Variants in NELL1 observed in about 807,000 individuals in gnomAD.
The protein encoded by NELL1 is protein kinase C-binding protein NELL1.
In NELL1, 76 loss-of-function variants were observed where a neutral mutation model predicts 107.4. That is an observed-to-expected ratio of 0.71 (90% CI 0.59 to 0.86). The LOEUF (loss-of-function observed/expected upper bound fraction) is 0.86, where lower values mean the gene tolerates loss of function less well. Ranked by LOEUF, NELL1 falls within the 40% of genes least tolerant of loss-of-function variation. NELL1 has a pLI of 0.00. For synonymous variants in NELL1, 353 were observed against 341.2 expected (o/e 1.03, Z -0.38); for missense variants, 1,024 against 1,005.5 (o/e 1.02, Z -0.25).
intron 15 of NELL1, among the ~76,000 whole-genome samples, chr11:21,404,040 C>A (rs1187860720): frequency 3.5e-5 from 4 of 114,280 alleles, no homozygotes; most frequent in Admixed American, 1.2e-4. Context: ...CTGGATATTC[C>A]CCCCGCCACC....
intron 12 of NELL1, among the ~76,000 whole-genome samples, chr11:20,962,659 A>T (rs61883261): frequency 0.041 from 6,218 of 152,226 alleles, 132 homozygotes; most frequent in East Asian, 0.084. Context: ...TATCAACCTG[A>T]TCTTTCTCTA....
chr11:21,297,498 T>C (rs1239398616), intron 14 of NELL1, among the ~76,000 whole-genome samples: 1 of 152,070 alleles, frequency 6.6e-6, no homozygotes, highest in Admixed American at 6.6e-5. Context: ...CCTTTTCCAG[T>C]GTGCAGGTTG....
At chr11:21,147,752 C>T (rs1048888041) in intron 13 of NELL1, among the ~76,000 whole-genome samples, 1 of 129,742 alleles carries the variant, frequency 7.7e-6, no homozygotes, top group Non-Finnish European at 1.6e-5. Context: ...AGGAGAATTG[C>T]TTGAACCCGG....
At chr11:20,730,758 C>T (rs1229597434) in intron 2 of NELL1, among the ~76,000 whole-genome samples, 1 of 152,162 alleles carries the variant, frequency 6.6e-6, no homozygotes, top group East Asian at 1.9e-4. Flanking sequence ...CTGAGGATGG[C>T]ATGCTTCCTA....
intron 15 of NELL1, among the ~76,000 whole-genome samples, chr11:21,464,116 A>G (rs866549552): frequency 2.4e-4 from 37 of 152,148 alleles, no homozygotes; most frequent in Middle Eastern, 6.8e-3. Context: ...TGTGGCCTTT[A>G]TGACCTAGCT....
chr11:21,173,560 T>C (rs1856651222), intron 13 of NELL1, among the ~76,000 whole-genome samples: 1 of 151,888 alleles, frequency 6.6e-6, no homozygotes. Context: ...CTTTCTTGCC[T>C]TCAGTTTAGT....
chr11:21,558,257 A>G (rs1856768120), intron 16 of NELL1, among the ~76,000 whole-genome samples: 1 of 152,008 alleles, frequency 6.6e-6, no homozygotes, highest in Non-Finnish European at 1.5e-5. Context: ...TTCATAGGAA[A>G]CAATATGGCC....
intron 2 of NELL1, among the ~76,000 whole-genome samples, chr11:20,723,575 T>C (rs1855441519): frequency 6.6e-6 from 1 of 151,984 alleles, no homozygotes; most frequent in African/African-American, 2.4e-5. Context: ...CTCTGGAGGG[T>C]ACAGCCCCCA....
chr11:21,037,433 A>G (rs73460632), intron 12 of NELL1, among the ~76,000 whole-genome samples: 26,103 of 151,918 alleles, frequency 0.17, 2,398 homozygotes, highest in African/African-American at 0.24. Context: ...TGCTTATACA[A>G]TTCTAGGGGA....
At chr11:20,744,511 C>T (rs976199967) in intron 2 of NELL1, among the ~76,000 whole-genome samples, 2 of 152,194 alleles carry the variant, frequency 1.3e-5, no homozygotes, top group Non-Finnish European at 2.9e-5. Flanking sequence ...CTAATCTAGG[C>T]TGAGCTTGAC....
intron 2 of NELL1, among the ~76,000 whole-genome samples, chr11:20,721,861 A>G (rs1292715901): frequency 1.3e-5 from 2 of 152,152 alleles, no homozygotes; most frequent in Non-Finnish European, 2.9e-5. Context: ...CCTTTATCAG[A>G]TGCTTAACAG....
At chr11:21,522,385 T>TA (rs1043152828) in intron 15 of NELL1, among the ~76,000 whole-genome samples, 5 of 152,208 alleles carry the variant, frequency 3.3e-5, no homozygotes, top group African/African-American at 9.6e-5. Flanking sequence ...TATTTAGCCG[T>TA]AAAAAATGAA....
intron 12 of NELL1, among the ~76,000 whole-genome samples, chr11:21,095,726 T>G (rs1408568961): frequency 1.3e-5 from 2 of 152,164 alleles, no homozygotes; most frequent in Non-Finnish European, 2.9e-5. Context: ...TTCTCCTGCC[T>G]CAGCCTCCCA....
intron 5 of NELL1, among the ~76,000 whole-genome samples, chr11:20,903,231 A>T (rs1323785142): frequency 6.6e-6 from 1 of 152,094 alleles, no homozygotes; most frequent in Admixed American, 6.6e-5. Flanking sequence ...ACAGAAATTC[A>T]TCCAAGTGTC....
rs191774620 is a variant in NELL1 at position 21,419,804 on chromosome 11, C to T, written c.1645+48856C>T. On this transcript the variant is annotated intron_variant, in intron 15 of 19. Coordinates refer to ENST00000357134, the MANE Select transcript of NELL1 (RefSeq NM_006157.5). ...AATATGATAGAGAAATTAATTCATA[C>T]GGTTTAGGAGAAATTTGTCTTTCAT... is the stretch of plus-strand genomic sequence containing the variant. Among the ~76,000 whole-genome samples, 17 of 152,184 alleles carry T rather than the reference C, an allele frequency of 1.1e-4. No homozygotes were observed. In the East Asian group the frequency reaches 2.3e-3, roughly 21 times the overall value.
intron 14 of NELL1, among the ~76,000 whole-genome samples, chr11:21,318,351 C>G (rs565184969): frequency 6.6e-6 from 1 of 152,258 alleles, no homozygotes; most frequent in East Asian, 1.9e-4. Context: ...AGGATGGGGC[C>G]ATGGCCAGTA....
intron 6 of NELL1, among the ~76,000 whole-genome samples, chr11:20,918,886 A>G (rs971430851): frequency 2.6e-5 from 4 of 152,164 alleles, no homozygotes; most frequent in East Asian, 1.9e-4. Context: ...TGTTTAATAT[A>G]TATTTTTAAA....
At chr11:20,819,616 A>C (rs1401448158) in intron 3 of NELL1, among the ~76,000 whole-genome samples, 1 of 152,204 alleles carries the variant, frequency 6.6e-6, no homozygotes, top group Non-Finnish European at 1.5e-5. Context: ...GGGTAAGATA[A>C]ATAACCTCTG....
intron 12 of NELL1, among the ~76,000 whole-genome samples, chr11:20,976,301 C>T (rs1851634253): frequency 6.6e-6 from 1 of 151,742 alleles, no homozygotes; most frequent in Non-Finnish European, 1.5e-5. Context: ...TCAGTATAGA[C>T]AATGAATGCC....
Sources: allele counts gnomAD v4.1 joint callset (sites outside exome capture counted in the v4.1 genomes callset), GRCh38; gene constraint gnomAD v4.1.1; transcripts MANE v1.5; gene names NCBI Gene and HGNC (gene_info 2026-07-23, HGNC 2026-07-21).